IGFBP7: variants seen among roughly 807,000 people sequenced by gnomAD.
The protein encoded by IGFBP7 is insulin like growth factor binding protein 7, also known as insulin-like growth factor-binding protein 7.
In IGFBP7, 31 loss-of-function variants were observed where a neutral mutation model predicts 29.4. That is an observed-to-expected ratio of 1.05 (90% confidence interval 0.79 to 1.42). IGFBP7 has a LOEUF of 1.42. IGFBP7 is among the 40% of genes most tolerant of loss of function. The pLI, the probability that IGFBP7 is intolerant of heterozygous loss-of-function variation, is 0.00. For synonymous variants in IGFBP7, 172 were observed against 174.9 expected, an observed-to-expected ratio of 0.98 and a Z score of 0.13; for missense variants, 393 against 395.5, an observed-to-expected ratio of 0.99 and a Z score of 0.05.
At chr4:57,101,836 T>C (rs1725904528) in intron 1 of IGFBP7, among the ~76,000 whole-genome samples, 1 of 152,074 alleles carries the variant, frequency 6.6e-6, no homozygotes, top group Admixed American at 6.6e-5. Flanking sequence ...AGTCCTCCAC[T>C]GCTATCCCCA....
intron 1 of IGFBP7, among the ~76,000 whole-genome samples, chr4:57,075,230 G>A (rs2109780340): frequency 2.0e-5 from 3 of 152,258 alleles, no homozygotes; most frequent in South Asian, 4.2e-4. Context: ...GATCTGGTGT[G>A]AGGTTGCTTA....
At chr4:57,074,450 C>A (rs886405892) in intron 1 of IGFBP7, among the ~76,000 whole-genome samples, 5 of 152,200 alleles carry the variant, frequency 3.3e-5, no homozygotes, top group African/African-American at 1.2e-4. Context: ...TAAAAAGAAG[C>A]TGCAACTGGC....
chr4:57,059,582 C>T (rs1463199756), intron 1 of IGFBP7, among the ~76,000 whole-genome samples: 1 of 152,058 alleles, frequency 6.6e-6, no homozygotes, highest in African/African-American at 2.4e-5. Context: ...ACAACAGACA[C>T]TGGGTCTACT....
At chr4:57,050,105 C>T (rs1724465928) in intron 1 of IGFBP7, among the ~76,000 whole-genome samples, 1 of 150,668 alleles carries the variant, frequency 6.6e-6, no homozygotes, top group Non-Finnish European at 1.5e-5. Context: ...TTTGAATATA[C>T]ATCACTTGAA....
chr4:57,070,830 T>A (rs1336809526), intron 1 of IGFBP7, among the ~76,000 whole-genome samples: 1 of 152,222 alleles, frequency 6.6e-6, no homozygotes, highest in Non-Finnish European at 1.5e-5. Context: ...TTCTACTTGA[T>A]TAAAATCGAT....
intron 1 of IGFBP7, among the ~76,000 whole-genome samples, chr4:57,066,197 T>C (rs1454575317): frequency 6.6e-6 from 1 of 152,132 alleles, no homozygotes; most frequent in Non-Finnish European, 1.5e-5. Context: ...TAAAATACAG[T>C]GGGAGGGACA....
At chr4:57,105,894 G>C (rs1173281948) in intron 1 of IGFBP7, among the ~76,000 whole-genome samples, 2 of 144,834 alleles carry the variant, frequency 1.4e-5, no homozygotes, top group African/African-American at 2.6e-5. Context: ...CTAGGTAACA[G>C]CCCATTTTTT....
intron 1 of IGFBP7, among the ~76,000 whole-genome samples, chr4:57,056,583 T>C (rs143694040): frequency 6.6e-6 from 1 of 152,308 alleles, no homozygotes; most frequent in African/African-American, 2.4e-5. Context: ...GATGTCTCTC[T>C]GATCACAGGA....
At chr4:57,041,503 G>C (rs1469682270) in intron 1 of IGFBP7, among the ~76,000 whole-genome samples, 2 of 151,976 alleles carry the variant, frequency 1.3e-5, no homozygotes, top group African/African-American at 4.8e-5. Context: ...GTGCGTCAGG[G>C]GATTGGAAGG....
intron 2 of IGFBP7, among the ~76,000 whole-genome samples, chr4:57,037,500 C>T (rs914995934): frequency 1.3e-5 from 2 of 151,852 alleles, no homozygotes; most frequent in East Asian, 1.9e-4. Context: ...CTCAGCCTCC[C>T]GAGTGGCTAG....
chr4:57,052,975 T>C (rs1394370864), intron 1 of IGFBP7, among the ~76,000 whole-genome samples: 1 of 152,186 alleles, frequency 6.6e-6, no homozygotes, highest in Non-Finnish European at 1.5e-5. Flanking sequence ...ATGTGTTGGT[T>C]GCTTGCAAAC....
At chr4:57,092,357 A>G (rs1283330842) in intron 1 of IGFBP7, among the ~76,000 whole-genome samples, 2 of 152,200 alleles carry the variant, frequency 1.3e-5, no homozygotes, top group Admixed American at 1.3e-4. Flanking sequence ...ATAACTCTTC[A>G]TGATCTGAGA....
chr4:57,070,495 C>G (rs1037336673), intron 1 of IGFBP7, among the ~76,000 whole-genome samples: 4 of 152,194 alleles, frequency 2.6e-5, no homozygotes, highest in Non-Finnish European at 4.4e-5. Flanking sequence ...CTTAACAAAT[C>G]CCTTTGGGGA....
intron 1 of IGFBP7, among the ~76,000 whole-genome samples, chr4:57,042,559 G>C (rs1259203626): frequency 6.6e-6 from 1 of 152,152 alleles, no homozygotes; most frequent in African/African-American, 2.4e-5. Context: ...CGTTGGCCAG[G>C]CTGGTCTCGA....
chr4:57,110,129 C>T lies in IGFBP7; in HGVS notation c.223G>A (p.Gly75Ser), dbSNP rs780839833. 2.7e-6 allele frequency: 4 copies of T among 1,507,514 alleles called. No individual in the cohort carries two copies. The African/African-American group carries it at 4.3e-5, about 16-fold the overall frequency. The allele number at this position is 1,507,514 out of a possible 1,614,324, so 93.4% of individuals were successfully genotyped here. ...RGEGEPCGGG[G>S]AGRGYCAPGM... ...GGCGCGCAGTACCCCCTGCCGGCGC[C>T]GCCACCCCCGCACGGCTCGCCCTCG... is the stretch of plus-strand genomic sequence containing the variant. Residue 75 changes from glycine to serine, a missense_variant, in exon 1 of 5, where the codon GGC becomes AGC. By Grantham distance (56) the Gly-to-Ser change is moderately conservative. Transcript: ENST00000295666.
At chr4:57,069,996 G>A (rs1725017596) in intron 1 of IGFBP7, among the ~76,000 whole-genome samples, 2 of 152,152 alleles carry the variant, frequency 1.3e-5, no homozygotes. Flanking sequence ...CAGGAGAATT[G>A]CTTGAACCCC....
chr4:57,107,667 A>G (rs1726066084), intron 1 of IGFBP7, among the ~76,000 whole-genome samples: 1 of 152,168 alleles, frequency 6.6e-6, no homozygotes, highest in South Asian at 2.1e-4. Flanking sequence ...TCAATTTAGG[A>G]TGAGAAGAAA....
chr4:57,069,417 G>C (rs1268108771), intron 1 of IGFBP7, among the ~76,000 whole-genome samples: 1 of 152,094 alleles, frequency 6.6e-6, no homozygotes, highest in Non-Finnish European at 1.5e-5. Context: ...GTGAGGTCTG[G>C]TCTCTACAAA....
At chr4:57,087,296 T>C (rs4865179) in intron 1 of IGFBP7, among the ~76,000 whole-genome samples, 14,646 of 152,252 alleles carry the variant, frequency 0.096, 760 homozygotes, top group South Asian at 0.13. Flanking sequence ...AAGTTGCCAT[T>C]GGTACCTGGA....
Sources: allele counts gnomAD v4.1 joint callset (sites outside exome capture counted in the v4.1 genomes callset), GRCh38; gene constraint gnomAD v4.1.1; transcripts MANE v1.5; gene names NCBI Gene and HGNC (gene_info 2026-07-23, HGNC 2026-07-21).